Variants in MIR2052HG observed in about 807,000 individuals in gnomAD.
MIR2052HG encodes MIR2052 host gene.
intron 2 of MIR2052HG, among the ~76,000 whole-genome samples, chr8:74,697,398 T>C (rs1031817102): frequency 5.3e-5 from 8 of 152,140 alleles, no homozygotes; most frequent in Non-Finnish European, 1.2e-4. Flanking sequence ...TTGAAAGCAT[T>C]CCCCTGAGAA....
chr8:74,674,227 G>T (rs903287418), intron 2 of MIR2052HG, among the ~76,000 whole-genome samples: 1 of 151,134 alleles, frequency 6.6e-6, no homozygotes, highest in Non-Finnish European at 1.5e-5. Context: ...ATCACATTGA[G>T]AAAGATTGCT....
intron 2 of MIR2052HG, among the ~76,000 whole-genome samples, chr8:74,672,466 T>C (rs1174876261): frequency 6.6e-6 from 1 of 152,034 alleles, no homozygotes; most frequent in Non-Finnish European, 1.5e-5. Flanking sequence ...GTAAATGTAG[T>C]GAAATGGACT....
intron 4 of MIR2052HG, among the ~76,000 whole-genome samples, chr8:74,709,563 A>C (rs1458190643): frequency 6.6e-6 from 1 of 152,136 alleles, no homozygotes; most frequent in African/African-American, 2.4e-5. Context: ...ATGGACAGCT[A>C]AGAGTTGATT....
At chr8:74,669,011 CT>C (rs1808961986) in intron 2 of MIR2052HG, among the ~76,000 whole-genome samples, 1 of 152,184 alleles carries the variant, frequency 6.6e-6, no homozygotes, top group South Asian at 2.1e-4. Flanking sequence ...AATGTGACTC[CT>C]GATGAACCCA....
intron 2 of MIR2052HG, among the ~76,000 whole-genome samples, chr8:74,629,645 T>TG (rs1281759998): frequency 6.6e-6 from 1 of 152,156 alleles, no homozygotes; most frequent in East Asian, 1.9e-4. Flanking sequence ...GGGGAGCTAC[T>TG]GGAAGCCTTT....
intron 1 of MIR2052HG, among the ~76,000 whole-genome samples, chr8:74,602,273 A>C (rs953869153): frequency 2.6e-5 from 4 of 152,190 alleles, no homozygotes; most frequent in Non-Finnish European, 5.9e-5. Context: ...ATGCATTAGC[A>C]TGCTAAAAGA....
intron 2 of MIR2052HG, among the ~76,000 whole-genome samples, chr8:74,614,369 C>T (rs1808245993): frequency 6.6e-6 from 1 of 152,092 alleles, no homozygotes; most frequent in Non-Finnish European, 1.5e-5. Flanking sequence ...TCTACCTGTT[C>T]TCTAAGACAG....
intron 4 of MIR2052HG, among the ~76,000 whole-genome samples, chr8:74,741,440 CTG>C (rs1391061729): frequency 1.3e-5 from 2 of 152,196 alleles, no homozygotes; most frequent in African/African-American, 4.8e-5. Flanking sequence ...GGAAATGTGA[CTG>C]TAAATTTCTT....
intron 2 of MIR2052HG, among the ~76,000 whole-genome samples, chr8:74,617,621 A>G: frequency 6.6e-6 from 1 of 151,698 alleles, no homozygotes; most frequent in East Asian, 2.1e-4. Flanking sequence ...ATGGACACTT[A>G]GGTTGATTTC....
intron 2 of MIR2052HG, among the ~76,000 whole-genome samples, chr8:74,613,164 G>A (rs879777241): frequency 2.0e-5 from 3 of 152,228 alleles, no homozygotes; most frequent in African/African-American, 2.4e-5. Flanking sequence ...ATTGGAGACC[G>A]GCAACTACAA....
intron 4 of MIR2052HG, among the ~76,000 whole-genome samples, chr8:74,745,366 T>G (rs1431565518): frequency 6.6e-6 from 1 of 152,168 alleles, no homozygotes; most frequent in African/African-American, 2.4e-5. Flanking sequence ...AAATGGTAAA[T>G]AAGCATTGAT....
intron 4 of MIR2052HG, among the ~76,000 whole-genome samples, chr8:74,738,275 G>C (rs149489170): frequency 1.4e-3 from 213 of 151,942 alleles, no homozygotes; most frequent in African/African-American, 4.9e-3. Context: ...CTCCTCTCTG[G>C]CAAGAATACT....
At chr8:74,691,568 C>T (rs901318340) in intron 2 of MIR2052HG, among the ~76,000 whole-genome samples, 9 of 152,084 alleles carry the variant, frequency 5.9e-5, no homozygotes, top group African/African-American at 1.2e-4. Flanking sequence ...CTGGGAGCTG[C>T]GAACAATGTT....
At chr8:74,701,072 C>T (rs772000049) in intron 2 of MIR2052HG, among the ~76,000 whole-genome samples, 1 of 152,082 alleles carries the variant, frequency 6.6e-6, no homozygotes, top group Non-Finnish European at 1.5e-5. Flanking sequence ...TTCAAACCTA[C>T]TACATGAGAT....
chr8:74,713,782 C>G (rs1809493907), intron 4 of MIR2052HG, among the ~76,000 whole-genome samples: 1 of 152,046 alleles, frequency 6.6e-6, no homozygotes, highest in Non-Finnish European at 1.5e-5. Flanking sequence ...CTAACTTACT[C>G]ATTAACAAAA....
intron 2 of MIR2052HG, among the ~76,000 whole-genome samples, chr8:74,623,973 G>A (rs1042919393): frequency 1.3e-5 from 2 of 152,336 alleles, no homozygotes; most frequent in East Asian, 3.9e-4. Flanking sequence ...CTTGGAAGCA[G>A]TGGAGCCAAG....
chr8:74,753,926 G>T (rs1809974157), intron 5 of MIR2052HG, among the ~76,000 whole-genome samples: 1 of 152,150 alleles, frequency 6.6e-6, no homozygotes, highest in African/African-American at 2.4e-5. Context: ...CTGACAATCT[G>T]ACTCACTTAT....
intron 2 of MIR2052HG, chr8:74,625,247 A>G (rs1261153248): frequency 6.6e-6 from 1 of 152,100 alleles, no homozygotes; most frequent in African/African-American, 2.4e-5. Flanking sequence ...TTTATTTTGT[A>G]GAGACAGAGT....
At chr8:74,683,365 G>C (rs558045171) in intron 2 of MIR2052HG, among the ~76,000 whole-genome samples, 2 of 152,084 alleles carry the variant, frequency 1.3e-5, no homozygotes, top group African/African-American at 4.8e-5. Flanking sequence ...AGAAATATTA[G>C]TTGGAAATGG....
Sources: allele counts gnomAD v4.1 joint callset (sites outside exome capture counted in the v4.1 genomes callset), GRCh38; gene constraint gnomAD v4.1.1; transcripts MANE v1.5; gene names NCBI Gene and HGNC (gene_info 2026-07-23, HGNC 2026-07-21).